The following SVOP variants were observed in gnomAD, a reference collection of about 807,000 sequenced individuals.
SVOP encodes SV2 related protein.
A neutral mutation model predicts 69.1 loss-of-function variants in SVOP; 17 were observed. The ratio of observed to expected loss-of-function variants is 0.25; its 90% CI spans 0.17 to 0.37. SVOP has a LOEUF of 0.37. SVOP is among the 10% of genes least tolerant of loss of function. The probability of loss-of-function intolerance (pLI) is 1.00; values close to 1 mark genes in which losing one functional copy is unlikely to be tolerated. For missense variants in SVOP, 435 were observed against 597.5 expected (o/e 0.73, Z 2.84); for synonymous variants, 238 against 238.6 (o/e 1.00, Z 0.02).
At chr12:108,984,156 A>T (rs2040155787) in intron 1 of SVOP, among the ~76,000 whole-genome samples, 1 of 152,168 alleles carries the variant, frequency 6.6e-6, no homozygotes, top group Admixed American at 6.5e-5. Context: ...AAAGTTGCTC[A>T]CACCATATTT....
At chr12:108,946,027 C>G (rs1438416739) in intron 6 of SVOP, among the ~76,000 whole-genome samples, 1 of 152,234 alleles carries the variant, frequency 6.6e-6, no homozygotes, top group Non-Finnish European at 1.5e-5. Context: ...CCTCTACCCA[C>G]CAGCTTTTAG....
At chr12:108,939,212 A>G (rs954443879) in intron 8 of SVOP, among the ~76,000 whole-genome samples, 7 of 152,248 alleles carry the variant, frequency 4.6e-5, no homozygotes, top group African/African-American at 1.4e-4. Flanking sequence ...GGCTCTTAAG[A>G]GGATTAAACA....
Position 108,912,025 on chromosome 12 carries a change from C to T in SVOP, c.*510G>A. ...GGCTCTAGGGAGGCAAACCGGGGGG[C>T]CCCTGCCAGGAAATAGCTGCTCAGA... On this transcript the variant is annotated 3_prime_UTR_variant, in exon 16 of 16. Coordinates refer to ENST00000610966, the MANE Select transcript of SVOP (RefSeq NM_018711.5). 6 of 339,970 alleles carry T rather than the reference C, an allele frequency of 1.8e-5. No homozygotes were observed. The highest frequency in any genetic ancestry group is 2.5e-5 in the Non-Finnish European group (6 of 239,358). 21.1% of individuals were successfully genotyped at this position (339,970 alleles called of 1,614,324 possible).
intron 5 of SVOP, among the ~76,000 whole-genome samples, chr12:108,969,616 C>T (rs757620958): frequency 2.6e-5 from 4 of 151,104 alleles, no homozygotes; most frequent in Non-Finnish European, 5.9e-5. Flanking sequence ...CATGAGCCAC[C>T]GCGTTCATGC....
chr12:109,012,308 G>C (rs1027503920), intron 1 of SVOP, among the ~76,000 whole-genome samples: 1 of 151,502 alleles, frequency 6.6e-6, no homozygotes, highest in East Asian at 1.9e-4. Context: ...AGTTAGACAG[G>C]AGAAATAGGT....
At chr12:109,002,024 C>T (rs1159935419) in intron 1 of SVOP, among the ~76,000 whole-genome samples, 1 of 133,968 alleles carries the variant, frequency 7.5e-6, no homozygotes, top group Non-Finnish European at 1.6e-5. Flanking sequence ...GAACAGGCAA[C>T]CTACAAAATG....
chr12:109,019,071 A>C (rs2040382960), intron 1 of SVOP, among the ~76,000 whole-genome samples: 1 of 152,208 alleles, frequency 6.6e-6, no homozygotes, highest in South Asian at 2.1e-4. Flanking sequence ...TTGGCCTAAT[A>C]GATAATATAT....
chr12:108,931,791 G>A (rs1007636133), intron 11 of SVOP, among the ~76,000 whole-genome samples: 3 of 150,430 alleles, frequency 2.0e-5, no homozygotes, highest in East Asian at 2.0e-4. Context: ...CCGAGATTGC[G>A]CCACTGCACT....
At chr12:108,917,096 C>T (rs1042645830) in intron 14 of SVOP, among the ~76,000 whole-genome samples, 1 of 152,236 alleles carries the variant, frequency 6.6e-6, no homozygotes. Flanking sequence ...ACCCTCCACT[C>T]TGGGGGTTCC....
chr12:108,912,441 T>C lies in SVOP; in HGVS notation c.*94A>G. On this transcript the variant is annotated 3_prime_UTR_variant, in exon 16 of 16. Coordinates refer to ENST00000610966, the MANE Select transcript of SVOP (RefSeq NM_018711.5). ...CCAGGTCATACTCTTGGGTGAGTTCTTGATGTCGGCAGTGACAATCAGTGC... is the reference window on the plus strand; with the variant it reads ...CCAGGTCATACTCTTGGGTGAGTTCCTGATGTCGGCAGTGACAATCAGTGC... 1.3e-6 allele frequency: 2 copies of C among 1,578,152 alleles called. No homozygotes were observed. Among genetic ancestry groups the C allele is most frequent in the Non-Finnish European group, 1.7e-6 (2 of 1,160,274 alleles).
chr12:108,951,402 G>A (rs1412909903), intron 6 of SVOP, among the ~76,000 whole-genome samples: 1 of 152,180 alleles, frequency 6.6e-6, no homozygotes, highest in Non-Finnish European at 1.5e-5. Flanking sequence ...GCAATAACAG[G>A]TGATTATCAT....
At position 108,945,222 on chromosome 12, in the gene SVOP, G is replaced by A. The variant is rs374075197; in HGVS notation, c.579-56C>T. On this transcript the variant is annotated intron_variant, in intron 6 of 15. Coordinates refer to ENST00000610966, the MANE Select transcript of SVOP (RefSeq NM_018711.5). ...TAAGATCAGAACTGGGTGGGAAAAT[G>A]GCTACCGTTTTCTGAATTTGCAGCC... 14 of 1,507,440 alleles carry A rather than the reference G, an allele frequency of 9.3e-6. No homozygotes were observed. In the African/African-American group the frequency reaches 1.5e-4, roughly 16 times the overall value. 93.4% of individuals were successfully genotyped at this position (1,507,440 alleles called of 1,614,324 possible).
At chr12:108,936,810 G>T (rs2039859097) in intron 10 of SVOP, among the ~76,000 whole-genome samples, 1 of 119,884 alleles carries the variant, frequency 8.3e-6, no homozygotes, top group African/African-American at 3.8e-5. Flanking sequence ...GAGGCTCACT[G>T]CCTCTGCAAA....
intron 2 of SVOP, among the ~76,000 whole-genome samples, chr12:108,979,940 G>A (rs1468533314): frequency 6.6e-6 from 1 of 152,326 alleles, no homozygotes; most frequent in South Asian, 2.1e-4. Flanking sequence ...GGGAGGCTGA[G>A]GCAGGAGGAT....
chr12:108,916,977 G>T (rs1458852719), intron 14 of SVOP, among the ~76,000 whole-genome samples: 1 of 152,162 alleles, frequency 6.6e-6, no homozygotes, highest in African/African-American at 2.4e-5. Context: ...GAACTCCTGA[G>T]CTCAAGCGAT....
rs950290081 is a variant in SVOP at position 108,988,643 on chromosome 12, G to T, written c.36-4882C>A. Among the ~76,000 whole-genome samples the T allele has an allele frequency of 4.6e-5, 7 of 152,276 alleles. No homozygotes were observed. In the South Asian group the frequency reaches 1.4e-3, roughly 32 times the overall value. ...TAGTAGTAAGTTTTGAAATTGGAAA[G>T]TGTGAGACCTTTAATTTTGTTCTTA... On this transcript the variant is annotated intron_variant, in intron 1 of 15. Coordinates refer to ENST00000610966, the MANE Select transcript of SVOP (RefSeq NM_018711.5).
rs537008083 is a variant in SVOP, at chr12:108,958,258, C to T, written c.578+2665G>A. The stretch of plus-strand genomic sequence containing the variant: ...GGCTCAAGGGATCCTCCTGCCTCAG[C>T]CTCCCAAAGTGCTGAGATTACAGGT... On this transcript the variant is annotated intron_variant, in intron 6 of 15. Coordinates refer to ENST00000610966, the MANE Select transcript of SVOP (RefSeq NM_018711.5). Among the ~76,000 whole-genome samples, 25 of 151,504 alleles carry T rather than the reference C, an allele frequency of 1.7e-4. No individual in the cohort carries two copies. The East Asian group carries it at 4.3e-3, about 26-fold the overall frequency.
chr12:108,964,449 TC>T (rs1158537253), intron 5 of SVOP, among the ~76,000 whole-genome samples: 1 of 151,940 alleles, frequency 6.6e-6, no homozygotes, highest in East Asian at 1.9e-4. Context: ...TTAATTGGCA[TC>T]AGCGGGAGAA....
chr12:108,924,382 A>C (rs537691663), intron 11 of SVOP, among the ~76,000 whole-genome samples: 11 of 152,264 alleles, frequency 7.2e-5, no homozygotes, highest in African/African-American at 2.6e-4. Flanking sequence ...AGTGTCCCCC[A>C]AAGTTGCTCC....
Sources: gnomAD v4.1 joint callset for allele counts (sites outside exome capture counted in the v4.1 genomes callset) on GRCh38, gnomAD v4.1.1 for gene constraint, MANE v1.5 for transcripts, NCBI Gene and HGNC (gene_info 2026-07-23, HGNC 2026-07-21) for gene names.